TXNDC8: variants seen among roughly 807,000 people sequenced by gnomAD.
TXNDC8 encodes thioredoxin domain-containing protein 8.
TXNDC8 carries 15 observed loss-of-function variants against 12.9 expected under a neutral mutation model. The observed-to-expected ratio is 1.16, with a 90% CI of 0.78 to 1.79. The LOEUF is 1.79. Ranked by LOEUF, TXNDC8 falls within the 40% of genes most tolerant of loss-of-function variation. The pLI is 0.00. For missense variants in TXNDC8, 128 were observed against 113.2 expected, an observed-to-expected ratio of 1.13 and a Z score of -0.59; for synonymous variants, 40 against 35.4, an observed-to-expected ratio of 1.13 and a Z score of -0.46.
intron 3 of TXNDC8, among the ~76,000 whole-genome samples, chr9:110,320,394 C>T (rs372583855): frequency 8.5e-5 from 13 of 152,194 alleles, no homozygotes; most frequent in African/African-American, 2.7e-4. Flanking sequence ...TGCCTGCCAT[C>T]ATATAAGACA....
intron 3 of TXNDC8, among the ~76,000 whole-genome samples, chr9:110,308,137 G>T (rs1838529692): frequency 6.6e-6 from 1 of 152,222 alleles, no homozygotes; most frequent in Non-Finnish European, 1.5e-5. Context: ...TGAGGCCTGG[G>T]AGCACCCCAC....
intron 2 of TXNDC8, among the ~76,000 whole-genome samples, chr9:110,333,190 GT>G (rs1164842383): frequency 1.3e-5 from 2 of 152,266 alleles, no homozygotes; most frequent in East Asian, 3.9e-4. Flanking sequence ...TCTACAGCCT[GT>G]TAGGAACCAG....
chr9:110,331,618 G>A (rs540364256), intron 2 of TXNDC8, among the ~76,000 whole-genome samples: 4 of 151,714 alleles, frequency 2.6e-5, no homozygotes, highest in Non-Finnish European at 5.9e-5. Context: ...CCAGGGACCA[G>A]TTTCATGGAA....
At chr9:110,319,431 AG>A (rs1177465482) in intron 3 of TXNDC8, among the ~76,000 whole-genome samples, 1 of 152,262 alleles carries the variant, frequency 6.6e-6, no homozygotes, top group Non-Finnish European at 1.5e-5. Context: ...GTATTTACCA[AG>A]TCCAGTGCTA....
intron 3 of TXNDC8, among the ~76,000 whole-genome samples, chr9:110,320,456 A>G (rs1839048326): frequency 6.6e-6 from 1 of 152,128 alleles, no homozygotes; most frequent in Non-Finnish European, 1.5e-5. Context: ...CTCCCTGGTC[A>G]TGTGGAGCTG....
chr9:110,315,287 G>A (rs1286516771), intron 3 of TXNDC8, among the ~76,000 whole-genome samples: 3 of 151,940 alleles, frequency 2.0e-5, no homozygotes, highest in African/African-American at 4.8e-5. Flanking sequence ...TAGTACAGAC[G>A]GGGTTTTGCC....
chr9:110,301,489 C>G (rs1445671526), downstream of TXNDC8, among the ~76,000 whole-genome samples: 1 of 151,896 alleles, frequency 6.6e-6, no homozygotes, highest in Non-Finnish European at 1.5e-5. Context: ...TCTTTTCAGC[C>G]TCTTGCTTTT....
At chr9:110,308,511 G>C (rs1309066684) in intron 3 of TXNDC8, among the ~76,000 whole-genome samples, 1 of 151,090 alleles carries the variant, frequency 6.6e-6, no homozygotes, top group Non-Finnish European at 1.5e-5. Flanking sequence ...TCTCCCATCA[G>C]ATTTGACCTA....
At chr9:110,316,064 A>ATT (rs934166822) in intron 3 of TXNDC8, among the ~76,000 whole-genome samples, 1 of 143,120 alleles carries the variant, frequency 7.0e-6, no homozygotes, top group African/African-American at 2.6e-5. Context: ...CACTCGGCTA[A>ATT]TTTTTTTTTT....
intron 2 of TXNDC8, 106 bp from the exon 3 acceptor site, chr9:110,329,397 A>G: frequency 1.3e-6 from 1 of 799,922 alleles, no homozygotes; most frequent in African/African-American, 1.7e-5. Flanking sequence ...AAAGGCTGTT[A>G]AAGAGGACTA....
intron 3 of TXNDC8, among the ~76,000 whole-genome samples, chr9:110,313,685 A>C (rs1838774047): frequency 6.6e-6 from 1 of 152,182 alleles, no homozygotes; most frequent in South Asian, 2.1e-4. Context: ...GGTTGATAAG[A>C]GCAAAACTCT....
At chr9:110,311,826 A>G (rs898043428) in intron 3 of TXNDC8, among the ~76,000 whole-genome samples, 1 of 146,166 alleles carries the variant, frequency 6.8e-6, no homozygotes, top group African/African-American at 2.5e-5. Flanking sequence ...GATATACTAT[A>G]TACTATATAT....
chr9:110,327,017 G>A (rs566115773), intron 2 of TXNDC8, among the ~76,000 whole-genome samples: 1 of 151,010 alleles, frequency 6.6e-6, no homozygotes, highest in Admixed American at 6.6e-5. Flanking sequence ...ACCACACAGT[G>A]ATAACAACTG....
chr9:110,323,760 G>A (rs559226535), intron 3 of TXNDC8: 1 of 1,350,066 alleles, frequency 7.4e-7, no homozygotes, highest in South Asian at 1.5e-5. Flanking sequence ...GCTTGACTCT[G>A]TTTTCTTCTG....
chr9:110,329,172 C>CT, intron 2 of TXNDC8, 60 bp downstream of exon 3: 1 of 1,372,176 alleles, frequency 7.3e-7, no homozygotes, highest in Non-Finnish European at 1.0e-6. Flanking sequence ...TGAGACAGTG[C>CT]TATTCAATTA....
intron 3 of TXNDC8, among the ~76,000 whole-genome samples, chr9:110,307,029 A>G (rs1838495614): frequency 6.6e-6 from 1 of 151,450 alleles, no homozygotes. Flanking sequence ...GCAGTCTTGA[A>G]CCCCAGGGCT....
intron 3 of TXNDC8, among the ~76,000 whole-genome samples, chr9:110,314,190 T>C (rs1474673291): frequency 5.9e-5 from 9 of 152,146 alleles, no homozygotes. Context: ...TTGTCTTTTA[T>C]CTACCTATGA....
chr9:110,303,308 G>T (rs1049020882), downstream of TXNDC8, among the ~76,000 whole-genome samples: 3 of 152,202 alleles, frequency 2.0e-5, no homozygotes, highest in African/African-American at 7.2e-5. Flanking sequence ...AGAGCAAGTG[G>T]GAAGCCCAAG....
Position 110,334,320 on chromosome 9 carries a change from T to G in TXNDC8, c.25A>C (p.Asn9His). The G allele has an allele frequency of 1.2e-6, 2 of 1,610,476 alleles. No homozygotes were observed. Among genetic ancestry groups the G allele is most frequent in the Non-Finnish European group, 1.7e-6 (2 of 1,176,966 alleles). ...GCTGTCAAAAATGTTTTAAATTCAT[T>G]CTGAAAACAGAAAATAAATGAGGAA... Residue 9 changes from asparagine (N) to histidine (H), a missense_variant and splice_region_variant, in exon 2 of 5, where the codon AAT becomes CAT. By Grantham distance (68) the Asn-to-His change is moderately conservative. Coordinates refer to ENST00000423740, the MANE Select transcript of TXNDC8 (RefSeq NM_001286946.2).
Sources: gnomAD v4.1 joint callset for allele counts (sites outside exome capture counted in the v4.1 genomes callset) on GRCh38, gnomAD v4.1.1 for gene constraint, MANE v1.5 for transcripts, NCBI Gene and HGNC (gene_info 2026-07-23, HGNC 2026-07-21) for gene names.